BNC2: variants seen among roughly 807,000 people sequenced by gnomAD.
The protein encoded by BNC2 is zinc finger protein basonuclin-2.
BNC2 carries 20 observed loss-of-function variants against 76.3 expected under a neutral mutation model. The observed-to-expected ratio is 0.26, with a 90% CI of 0.18 to 0.38. The LOEUF (loss-of-function observed/expected upper bound fraction) is 0.38. Ranked by LOEUF, BNC2 falls within the 10% of genes least tolerant of loss-of-function variation. The pLI is 1.00. For synonymous variants in BNC2, 582 were observed against 514.8 expected (o/e 1.13, Z -1.77); for missense variants, 1,382 against 1,399.8 (o/e 0.99, Z 0.20).
chr9:16,700,223 G>C (rs966377651), intron 3 of BNC2, among the ~76,000 whole-genome samples: 28 of 152,092 alleles, frequency 1.8e-4, no homozygotes, highest in African/African-American at 6.8e-4. Flanking sequence ...TCATTGCTAT[G>C]GATGAAACAA....
chr9:16,677,116 C>T (rs996898599), intron 3 of BNC2, among the ~76,000 whole-genome samples: 3 of 152,140 alleles, frequency 2.0e-5, no homozygotes, highest in Admixed American at 6.6e-5. Flanking sequence ...TTGGCCACCA[C>T]AAGCTAGTAA....
At chr9:16,722,285 C>G (rs1452600165) in intron 3 of BNC2, among the ~76,000 whole-genome samples, 1 of 152,202 alleles carries the variant, frequency 6.6e-6, no homozygotes, top group Non-Finnish European at 1.5e-5. Flanking sequence ...TCAGAGATGC[C>G]TTACTCAGCA....
At chr9:16,782,641 A>T (rs7873181) in intron 1 of BNC2, among the ~76,000 whole-genome samples, 137,474 of 152,140 alleles carry the variant, frequency 0.9, 62,149 homozygotes, top group East Asian at 0.99. Context: ...CTCCAGGAAG[A>T]CTTTGGGCAC....
chr9:16,540,558 T>C (rs1171362007), intron 5 of BNC2, among the ~76,000 whole-genome samples: 1 of 152,186 alleles, frequency 6.6e-6, no homozygotes, highest in Non-Finnish European at 1.5e-5. Context: ...AATTTTTCAA[T>C]AGCCTTATAA....
At chr9:16,850,636 A>T (rs1819106335) in intron 1 of BNC2, among the ~76,000 whole-genome samples, 1 of 152,110 alleles carries the variant, frequency 6.6e-6, no homozygotes, top group Non-Finnish European at 1.5e-5. Flanking sequence ...GTGGAAGGTG[A>T]AGGTGGAAGG....
intron 3 of BNC2, among the ~76,000 whole-genome samples, chr9:16,700,519 A>C (rs1823477731): frequency 6.6e-6 from 1 of 152,128 alleles, no homozygotes; most frequent in Non-Finnish European, 1.5e-5. Flanking sequence ...TGTGCTGCGC[A>C]AGCTGGACTC....
chr9:16,418,247 C>T lies in BNC2; in HGVS notation c.*742G>A, dbSNP rs1317368754. 2 of 152,584 alleles carry T rather than the reference C, an allele frequency of 1.3e-5. No individual in the cohort carries two copies. Among genetic ancestry groups the T allele is most frequent in the Non-Finnish European group, 2.9e-5 (2 of 68,072 alleles). The allele number at this position is 152,584 out of a possible 1,614,324, so 9.5% of individuals were successfully genotyped here. A position where few individuals can be genotyped will look rare whatever the true frequency, so the allele number is the denominator to read the frequency against. ...TGTGCTGTAAAGCATGCCAGCACCT[C>T]TTTAGCACTATATCTAACAGGTAGT... is the stretch of plus-strand genomic sequence containing the variant. On this transcript the variant is annotated 3_prime_UTR_variant, in exon 7 of 7. Coordinates refer to ENST00000380672, the MANE Select transcript of BNC2 (RefSeq NM_017637.6).
At position 16,410,167 on chromosome 9, in the gene BNC2, G is replaced by A. The variant is rs1463138899; in HGVS notation, c.*8822C>T. ...AAGGCCTAGTCCATCACCAGCAGGA[G>A]AGAACAGAGAACTGGCTTTCCCAGA... On this transcript the variant is annotated 3_prime_UTR_variant, in exon 7 of 7. Transcript: ENST00000380672. 1 of 152,242 alleles carries A rather than the reference G, an allele frequency of 6.6e-6. No individual in the cohort carries two copies. The highest frequency in any genetic ancestry group is 1.5e-5 in the Non-Finnish European group (1 of 68,064). The allele number at this position is 152,242 out of a possible 1,614,324, so 9.4% of individuals were successfully genotyped here. A position where few individuals can be genotyped will look rare whatever the true frequency, so the allele number is the denominator to read the frequency against.
At chr9:16,870,153 A>T in intron 1 of BNC2, among the ~76,000 whole-genome samples, 1 of 151,542 alleles carries the variant, frequency 6.6e-6, no homozygotes. Context: ...GCTGCGCCCC[A>T]GCGCACCCGG....
rs540787140 is a variant in BNC2 at position 16,798,568 on chromosome 9, C to G, written c.4-60083G>C. On this transcript the variant is annotated intron_variant, in intron 1 of 6. Coordinates refer to ENST00000380672, the MANE Select transcript of BNC2 (RefSeq NM_017637.6). Reference sequence around the variant, plus strand: ...ACACTAGACTTCTAAGTAATTTTTTCAAGTATGGTAGTATCTTATGATTTA... The same window carrying G: ...ACACTAGACTTCTAAGTAATTTTTTGAAGTATGGTAGTATCTTATGATTTA... 2.0e-5 allele frequency among the ~76,000 whole-genome samples: 3 copies of G among 152,228 alleles called. No individual in the cohort carries two copies. In the East Asian group the frequency reaches 5.8e-4, roughly 29 times the overall value.
At chr9:16,608,821 A>G (rs1162897556) in intron 3 of BNC2, among the ~76,000 whole-genome samples, 2 of 152,222 alleles carry the variant, frequency 1.3e-5, no homozygotes, top group Admixed American at 1.3e-4. Flanking sequence ...GAAGCATGCA[A>G]ACTTGAAATA....
intron 1 of BNC2, among the ~76,000 whole-genome samples, chr9:16,862,863 C>T (rs1819444775): frequency 6.6e-6 from 1 of 151,408 alleles, no homozygotes; most frequent in Non-Finnish European, 1.5e-5. Context: ...GGAAGGTCAC[C>T]AGCCTTAGAT....
intron 3 of BNC2, among the ~76,000 whole-genome samples, chr9:16,690,369 A>G (rs920971561): frequency 1.3e-5 from 2 of 152,122 alleles, no homozygotes; most frequent in Non-Finnish European, 2.9e-5. Flanking sequence ...TCCTAGGAGG[A>G]TTACTTAAGC....
At chr9:16,546,435 C>A (rs1818484496) in intron 5 of BNC2, among the ~76,000 whole-genome samples, 1 of 152,180 alleles carries the variant, frequency 6.6e-6, no homozygotes, top group Non-Finnish European at 1.5e-5. Flanking sequence ...CCAATCCCTG[C>A]ACATGGTATA....
intron 1 of BNC2, among the ~76,000 whole-genome samples, chr9:16,823,427 C>CAAAAAAAAA (rs34451487): frequency 8.8e-6 from 1 of 113,090 alleles, no homozygotes; most frequent in Admixed American, 9.5e-5. Flanking sequence ...CCTGTCTCTA[C>CAAAAAAAAA]AAAAAAAAAA....
intron 1 of BNC2, among the ~76,000 whole-genome samples, chr9:16,786,657 C>T (rs1826302064): frequency 6.6e-6 from 1 of 152,174 alleles, no homozygotes; most frequent in African/African-American, 2.4e-5. Flanking sequence ...TCAGAACTCC[C>T]TCTCTAGCTC....
At chr9:16,778,660 T>C (rs1272181729) in intron 1 of BNC2, among the ~76,000 whole-genome samples, 2 of 152,206 alleles carry the variant, frequency 1.3e-5, no homozygotes, top group African/African-American at 2.4e-5. Context: ...GCAGAGCCTA[T>C]ACCTAGTTTA....
At chr9:16,798,721 T>G (rs529888892) in intron 1 of BNC2, among the ~76,000 whole-genome samples, 2 of 152,304 alleles carry the variant, frequency 1.3e-5, no homozygotes, top group Non-Finnish European at 2.9e-5. Flanking sequence ...GAGGAAATAC[T>G]GAAATTATTC....
rs35423419 is a variant in BNC2 at position 16,632,428 on chromosome 9, GAA to G, written c.331-49345_331-49344del. ...TGATGGCTAAGAAAGACTAAAACGG[GAA>G]AAAAAAAAAATCTGTGTATGTAAAA... On this transcript the variant is annotated intron_variant, in intron 3 of 6. Coordinates refer to ENST00000380672, the MANE Select transcript of BNC2 (RefSeq NM_017637.6). 3.6e-3 allele frequency among the ~76,000 whole-genome samples: 533 copies of G among 148,470 alleles called. 4 individuals are homozygous for G. The highest frequency in any genetic ancestry group is 0.012 in the African/African-American group (492 of 40,844).
Sources: allele counts gnomAD v4.1 joint callset (sites outside exome capture counted in the v4.1 genomes callset), GRCh38; gene constraint gnomAD v4.1.1; transcripts MANE v1.5; gene names NCBI Gene and HGNC (gene_info 2026-07-23, HGNC 2026-07-21).